ATOH8: variants seen among roughly 807,000 people sequenced by gnomAD.
ATOH8 encodes the protein atonal bHLH transcription factor 8.
In ATOH8, 9 loss-of-function variants were observed where a neutral mutation model predicts 21.2. That is an observed-to-expected ratio of 0.42 (90% CI 0.26 to 0.74). The LOEUF (loss-of-function observed/expected upper bound fraction) is 0.74, where lower values mean the gene tolerates loss of function less well. ATOH8 is among the 30% of genes least tolerant of loss of function. ATOH8 has a pLI of 0.24. For synonymous variants in ATOH8, 253 were observed against 224.0 expected (o/e 1.13, Z -1.16); for missense variants, 524 against 470.9 (o/e 1.11, Z -1.04).
chr2:85,754,544 C>A lies in ATOH8; in HGVS notation c.355C>A (p.Pro119Thr). ...CTGCTTCGCCCTAGGCGCAGTGGGG[C>A]CAGGACTCCCCACGCCGCCGCCGCC... ...KRCFALGAVGPGLPTPPPPPP... is the reference protein window; with the variant it reads ...KRCFALGAVGTGLPTPPPPPP... Residue 119 changes from proline to threonine, a missense_variant, in exon 1 of 3, where the codon CCA becomes ACA. Pro to Thr is a conservative substitution (Grantham distance 38). Coordinates refer to ENST00000306279, the MANE Select transcript of ATOH8 (RefSeq NM_032827.7). 2 of 1,437,744 alleles carry A rather than the reference C, an allele frequency of 1.4e-6. No homozygotes were observed. Among genetic ancestry groups the A allele is most frequent in the Non-Finnish European group, 1.8e-6 (2 of 1,107,676 alleles). 89.1% of individuals were successfully genotyped at this position (1,437,744 alleles called of 1,614,324 possible). A position where few individuals can be genotyped will look rare whatever the true frequency, so the allele number is the denominator to read the frequency against.
Position 85,754,732 on chromosome 2 carries a change from T to G in ATOH8, c.543T>G (p.Pro181=). The change falls in exon 1 of 3, where the codon CCT becomes CCG. Residue 181 remains proline, a synonymous_variant. Transcript: ENST00000306279. ...CGCCCCCGGAGTCCACTGTGCGCCCTGCGCCCCCGACGCGCCCCGGGGAAA... is the reference window on the plus strand; with the variant it reads ...CGCCCCCGGAGTCCACTGTGCGCCCGGCGCCCCCGACGCGCCCCGGGGAAA... ...PPAPPESTVR[P]APPTRPGESS... 2 of 1,612,394 alleles carry G rather than the reference T, an allele frequency of 1.2e-6. No individual in the cohort carries two copies. The highest frequency in any genetic ancestry group is 1.7e-4 in the Middle Eastern group (1 of 6,058).
At chr2:85,755,857 C>T (rs1679677667) in intron 1 of ATOH8, among the ~76,000 whole-genome samples, 1 of 151,068 alleles carries the variant, frequency 6.6e-6, no homozygotes, top group South Asian at 2.1e-4. Flanking sequence ...CCACACAGGG[C>T]GTGGGGAAGG....
chr2:85,764,070 C>T lies in ATOH8; in HGVS notation c.848C>T (p.Ala283Val). 6.2e-7 allele frequency: 1 copy of T among 1,614,186 alleles called. No individual in the cohort carries two copies. The highest frequency in any genetic ancestry group is 1.1e-5 in the South Asian group (1 of 91,084). ...GCCTGTAACTACATCCTGTCCCTGG[C>T]GCGGCTGGCTGACCTTGACTACAGT... ...RIACNYILSL[A>V]RLADLDYSAD... The change falls in exon 2 of 3, where the codon GCG (alanine) becomes GTG (valine). Residue 283 changes from alanine to valine, a missense_variant. Coordinates refer to ENST00000306279, the MANE Select transcript of ATOH8 (RefSeq NM_032827.7).
chr2:85,776,272 C>T (rs1357268066), intron 2 of ATOH8, among the ~76,000 whole-genome samples: 2 of 152,220 alleles, frequency 1.3e-5, no homozygotes, highest in Non-Finnish European at 2.9e-5. Flanking sequence ...GGTTGCCTGG[C>T]GGCTTGGGGC....
intron 1 of ATOH8, among the ~76,000 whole-genome samples, chr2:85,758,826 G>A (rs183531984): frequency 5.3e-4 from 80 of 152,352 alleles, no homozygotes; most frequent in East Asian, 9.6e-4. Context: ...GCCTGGCCCC[G>A]GGAGTGGGGC....
At position 85,754,153 on chromosome 2, in the gene ATOH8, G is replaced by A. The variant is rs755410181; in HGVS notation, c.-37G>A. 2.1e-6 allele frequency: 3 copies of A among 1,450,278 alleles called. No individual in the cohort carries two copies. The highest frequency in any genetic ancestry group is 3.2e-5 in the Admixed American group (1 of 30,970). The allele number at this position is 1,450,278 out of a possible 1,614,324, so 89.8% of individuals were successfully genotyped here. ...GGCGCTGAGCGCGGCGGCGGCCCGG[G>A]CAGCCCCACGCCCCTGCCTCGCGCG... On this transcript the variant is annotated 5_prime_UTR_variant, in exon 1 of 3. Coordinates refer to ENST00000306279, the MANE Select transcript of ATOH8 (RefSeq NM_032827.7).
chr2:85,756,230 C>G (rs1679691366), intron 1 of ATOH8, among the ~76,000 whole-genome samples: 1 of 152,132 alleles, frequency 6.6e-6, no homozygotes, highest in Non-Finnish European at 1.5e-5. Context: ...CAGGCTGGGC[C>G]TCTGCCCTCA....
intron 2 of ATOH8, among the ~76,000 whole-genome samples, chr2:85,779,082 C>A (rs569078988): frequency 6.6e-6 from 1 of 151,660 alleles, no homozygotes; most frequent in African/African-American, 2.4e-5. Flanking sequence ...CCTGGGTGCC[C>A]CCTCCAGCCT....
Sources: allele counts gnomAD v4.1 joint callset (sites outside exome capture counted in the v4.1 genomes callset), GRCh38; gene constraint gnomAD v4.1.1; transcripts MANE v1.5; gene names NCBI Gene and HGNC (gene_info 2026-07-23, HGNC 2026-07-21).